Variants in TM9SF4 observed in about 807,000 individuals in gnomAD.
TM9SF4 encodes the protein transmembrane 9 superfamily member 4.
TM9SF4 carries 26 observed loss-of-function variants against 90.4 expected under a neutral mutation model. The observed-to-expected ratio is 0.29, with a 90% CI of 0.21 to 0.40. The LOEUF is 0.40. TM9SF4 is among the 10% of genes least tolerant of loss of function. TM9SF4 has a pLI of 1.00. For missense variants in TM9SF4, 549 were observed against 834.8 expected, an observed-to-expected ratio of 0.66 and a Z score of 4.22; for synonymous variants, 293 against 315.4, an observed-to-expected ratio of 0.93 and a Z score of 0.75.
rs1165240152 is a variant in TM9SF4, at chr20:32,123,866, A to ATTTTTTT, written c.16-9142_16-9136dup. ...CTCTCATATATATATATATATATAT[A>ATTTTTTT]TTTTTTTTTTTAAAGAGATAGGGTC... is the stretch of plus-strand genomic sequence containing the variant. On this transcript the variant is annotated intron_variant, in intron 1 of 17. Transcript: ENST00000398022. Among the ~76,000 whole-genome samples, 9 of 93,958 alleles carry ATTTTTTT rather than the reference A, an allele frequency of 9.6e-5. 1 individual carries two copies. The highest frequency in any genetic ancestry group is 3.6e-4 in the African/African-American group (8 of 21,982). The allele number at this position is 93,958 out of a possible 152,430, so 61.6% of individuals were successfully genotyped here.
intron 9 of TM9SF4, among the ~76,000 whole-genome samples, chr20:32,148,663 C>CT (rs1234035990): frequency 0.11 from 13,218 of 120,068 alleles, 1,451 homozygotes; most frequent in African/African-American, 0.29. Flanking sequence ...AATATTACAG[C>CT]TTTTTTTTTT....
At chr20:32,140,454 C>G (rs1472249324) in intron 3 of TM9SF4, among the ~76,000 whole-genome samples, 1 of 152,204 alleles carries the variant, frequency 6.6e-6, no homozygotes, top group Non-Finnish European at 1.5e-5. Flanking sequence ...ACAGTCTTAA[C>G]AGTAACGAGC....
In TM9SF4 at chr20:32,158,559, G is replaced by A. The variant is rs758752682; in HGVS notation, c.1569+45G>A. The A allele has an allele frequency of 2.5e-6, 4 of 1,603,994 alleles. No homozygotes were observed. The African/African-American group carries it at 4.0e-5, about 16-fold the overall frequency. On this transcript the variant is annotated intron_variant, in intron 15 of 17. Coordinates refer to ENST00000398022, the MANE Select transcript of TM9SF4 (RefSeq NM_014742.4). ...CCACCCCTCCACCCATGCTAGCCGG[G>A]TCACTCCCACTCCACTCGGGTGCTC... is the stretch of plus-strand genomic sequence containing the variant.
At chr20:32,151,731 G>T (rs1003656612) in intron 12 of TM9SF4, among the ~76,000 whole-genome samples, 1 of 152,186 alleles carries the variant, frequency 6.6e-6, no homozygotes, top group African/African-American at 2.4e-5. Flanking sequence ...GCCCAGGCTG[G>T]AGTACAATGG....
chr20:32,155,661 T>C (rs1470349537), intron 13 of TM9SF4, among the ~76,000 whole-genome samples: 1 of 152,200 alleles, frequency 6.6e-6, no homozygotes, highest in Non-Finnish European at 1.5e-5. Flanking sequence ...AGTGTGTTAC[T>C]AGCAGCTGTC....
intron 1 of TM9SF4, among the ~76,000 whole-genome samples, chr20:32,128,112 G>C (rs1569062158): frequency 6.6e-6 from 1 of 152,202 alleles, no homozygotes; most frequent in East Asian, 1.9e-4. Context: ...AGTTGAAGTT[G>C]ATTGCCCAGT....
rs369331589 is a variant in TM9SF4 at position 32,157,927 on chromosome 20, G to A, written c.1463G>A (p.Arg488Gln). The part of the protein sequence containing the change: ...DNPVRTNQIP[R>Q]QIPEQRWYMN... ...CCTGTGCGCACCAACCAGATTCCCC[G>A]GCAGATCCCCGAGCAGCGGTGGTAC... is the stretch of plus-strand genomic sequence containing the variant. Residue 488 changes from arginine to glutamine, a missense_variant, in exon 14 of 18, where the codon CGG becomes CAG. Physicochemically the swap from Arg to Gln is conservative, Grantham distance 43. Around this residue, in one of 2 missense-constraint regions of TM9SF4, gnomAD observed 495 missense variants for 711.7 expected, o/e 0.70. Coordinates refer to ENST00000398022, the MANE Select transcript of TM9SF4 (RefSeq NM_014742.4). 16 of 1,613,924 alleles carry A rather than the reference G, an allele frequency of 9.9e-6. No individual in the cohort carries two copies. The highest frequency in any genetic ancestry group is 1.7e-5 in the Admixed American group (1 of 59,990).
chr20:32,141,574 C>T lies in TM9SF4; in HGVS notation c.307C>T (p.Leu103=). 1.2e-6 allele frequency: 2 copies of T among 1,614,134 alleles called. No individual in the cohort carries two copies. The highest frequency in any genetic ancestry group is 1.7e-6 in the Non-Finnish European group (2 of 1,180,020). ...LMNSEKKCEV[L]CSQSNKPVTL... The stretch of plus-strand genomic sequence containing the variant: ...GAACAGCGAGAAGAAGTGTGAAGTT[C>T]TGTGCAGCCAGTCCAACAAGCCAGT... The change falls in exon 4 of 18, where the codon CTG becomes TTG. Residue 103 remains leucine (L), a synonymous_variant. Transcript: ENST00000398022.
intron 1 of TM9SF4, chr20:32,116,569 G>GTC (rs1179218853): frequency 2.0e-5 from 3 of 152,198 alleles, no homozygotes; most frequent in African/African-American, 7.2e-5. Flanking sequence ...TCTTTCATGT[G>GTC]TCTCTGTTCA....
At chr20:32,128,289 A>G (rs538724135) in intron 1 of TM9SF4, among the ~76,000 whole-genome samples, 7 of 152,378 alleles carry the variant, frequency 4.6e-5, no homozygotes, top group Non-Finnish European at 1.0e-4. Context: ...AGAGGTTTGT[A>G]TCATCTGGGA....
At chr20:32,131,509 T>TGTGTGTGTGTGTG in intron 1 of TM9SF4, among the ~76,000 whole-genome samples, 4 of 150,384 alleles carry the variant, frequency 2.7e-5, no homozygotes, top group African/African-American at 9.8e-5. Context: ...TGTGTGTGTG[T>TGTGTGTGTGTGTG]TGGTTAGTTG....
chr20:32,132,903 G>C, intron 1 of TM9SF4, 110 bp from the exon 2 acceptor site: 1 of 879,980 alleles, frequency 1.1e-6, no homozygotes, highest in South Asian at 1.7e-5. Context: ...GTCAGAGGGT[G>C]GCTACACTGG....
At chr20:32,126,526 G>A (rs1225141887) in intron 1 of TM9SF4, among the ~76,000 whole-genome samples, 2 of 152,032 alleles carry the variant, frequency 1.3e-5, no homozygotes, top group African/African-American at 2.4e-5. Flanking sequence ...CCCAAGACTG[G>A]GTATATTGCT....
chr20:32,145,946 C>T (rs1024459694), intron 8 of TM9SF4, among the ~76,000 whole-genome samples: 1 of 152,116 alleles, frequency 6.6e-6, no homozygotes, highest in Non-Finnish European at 1.5e-5. Flanking sequence ...ATCCAGAGAC[C>T]TGGGAAAAGT....
intron 1 of TM9SF4, among the ~76,000 whole-genome samples, chr20:32,111,791 C>T (rs531895631): frequency 1.6e-4 from 25 of 152,112 alleles, no homozygotes; most frequent in African/African-American, 5.3e-4. Flanking sequence ...TGTAAGGGGC[C>T]GATGTGGAAG....
chr20:32,161,613 T>G (rs1024008977), intron 17 of TM9SF4, among the ~76,000 whole-genome samples: 1 of 152,144 alleles, frequency 6.6e-6, no homozygotes, highest in African/African-American at 2.4e-5. Flanking sequence ...CTTGTAAAAC[T>G]TACGAGGTAT....
intron 3 of TM9SF4, among the ~76,000 whole-genome samples, chr20:32,140,146 A>G (rs889174183): frequency 6.6e-6 from 1 of 152,234 alleles, no homozygotes; most frequent in Non-Finnish European, 1.5e-5. Flanking sequence ...GAGCAGATCC[A>G]CACTGGAGGA....
At position 32,109,858 on chromosome 20, in the gene TM9SF4, C is replaced by T. The variant is rs2046114049; in HGVS notation, c.15+103C>T. On this transcript the variant is annotated intron_variant, in intron 1 of 17. Coordinates refer to ENST00000398022, the MANE Select transcript of TM9SF4 (RefSeq NM_014742.4). The stretch of plus-strand genomic sequence containing the variant: ...CCTGGCCCTGAGCCACCTCCGGGAC[C>T]CCTGACTCAGGCCTGAGGGCTACCT... The T allele has an allele frequency of 5.2e-6, 8 of 1,542,014 alleles. No individual in the cohort carries two copies. In the Admixed American group the frequency reaches 1.6e-4, roughly 30 times the overall value.
chr20:32,127,299 C>G (rs773239326), intron 1 of TM9SF4, among the ~76,000 whole-genome samples: 1 of 152,140 alleles, frequency 6.6e-6, no homozygotes, highest in Non-Finnish European at 1.5e-5. Context: ...ATCATCGTTA[C>G]AGTCTCCTCA....
Sources: allele counts gnomAD v4.1 joint callset (sites outside exome capture counted in the v4.1 genomes callset), GRCh38; gene constraint gnomAD v4.1.1; regional missense constraint gnomAD v4.1.1; transcripts MANE v1.5; gene names NCBI Gene and HGNC (gene_info 2026-07-23, HGNC 2026-07-21).